Variants in PRELID2 observed in about 807,000 individuals in gnomAD.
PRELID2 encodes PRELI domain containing 2, also known as PRELI domain-containing protein 2.
In PRELID2, 25 loss-of-function variants were observed where a neutral mutation model predicts 28.4. That is an observed-to-expected ratio of 0.88 (90% CI 0.64 to 1.23). The LOEUF is 1.23. Among genes scored for constraint, PRELID2 ranks in the 50% most tolerant of loss-of-function variants. The probability of loss-of-function intolerance (pLI) is 0.00; values close to 1 mark genes in which losing one functional copy is unlikely to be tolerated. For missense variants in PRELID2, 201 were observed against 214.4 expected, an observed-to-expected ratio of 0.94 and a Z score of 0.39; for synonymous variants, 76 against 71.6, an observed-to-expected ratio of 1.06 and a Z score of -0.31.
chr5:145,334,709 A>G, the PRELID2 span, among the ~76,000 whole-genome samples: 1 of 151,524 alleles, frequency 6.6e-6, no homozygotes, highest in African/African-American at 2.4e-5. Flanking sequence ...TTTAGAGACA[A>G]TCTTTATCTT....
At chr5:145,775,871 C>G (rs751380107) in intron 5 of PRELID2, among the ~76,000 whole-genome samples, 1 of 151,956 alleles carries the variant, frequency 6.6e-6, no homozygotes, top group African/African-American at 2.4e-5. Flanking sequence ...TAGGAAGTGA[C>G]GTTTGTGTTT....
intron 1 of PRELID2, among the ~76,000 whole-genome samples, chr5:145,488,482 T>C (rs1752241738): frequency 6.6e-6 from 1 of 152,152 alleles, no homozygotes; most frequent in African/African-American, 2.4e-5. Flanking sequence ...TGGGTTTCTG[T>C]CACTTATAAA....
chr5:145,341,432 C>G, the PRELID2 span, among the ~76,000 whole-genome samples: 3 of 151,884 alleles, frequency 2.0e-5, no homozygotes, highest in Admixed American at 2.0e-4. Flanking sequence ...ATCAGCTACT[C>G]AGGAGGCTGA....
the PRELID2 span, among the ~76,000 whole-genome samples, chr5:145,312,658 G>C: frequency 6.6e-6 from 1 of 151,958 alleles, no homozygotes; most frequent in African/African-American, 2.4e-5. Flanking sequence ...TGCCCTCCAG[G>C]CTCATCTATG....
chr5:145,787,683 G>A (rs181178411), intron 5 of PRELID2, among the ~76,000 whole-genome samples: 4 of 152,064 alleles, frequency 2.6e-5, no homozygotes, highest in African/African-American at 9.6e-5. Context: ...GGGATTATAG[G>A]CATGCAACAA....
At chr5:145,362,815 G>A in the PRELID2 span, among the ~76,000 whole-genome samples, 2 of 152,076 alleles carry the variant, frequency 1.3e-5, no homozygotes, top group Non-Finnish European at 2.9e-5. Flanking sequence ...TGTTTTGGCT[G>A]CCATGAAAGG....
At chr5:145,806,363 A>G (rs1753508672) in intron 4 of PRELID2, among the ~76,000 whole-genome samples, 1 of 152,156 alleles carries the variant, frequency 6.6e-6, no homozygotes, top group African/African-American at 2.4e-5. Flanking sequence ...ACATTAGCCT[A>G]GGACTACACA....
chr5:145,474,884 G>A (rs1430116530), intron 1 of PRELID2, among the ~76,000 whole-genome samples: 4 of 152,078 alleles, frequency 2.6e-5, no homozygotes, highest in Admixed American at 6.6e-5. Context: ...ATTCCTCATG[G>A]GGTACACTGG....
At chr5:145,681,740 C>T (rs543964879) in intron 1 of PRELID2, among the ~76,000 whole-genome samples, 2 of 152,280 alleles carry the variant, frequency 1.3e-5, no homozygotes, top group South Asian at 4.1e-4. Context: ...TATCTGGCTT[C>T]TGTTTCAACC....
intron 1 of PRELID2, among the ~76,000 whole-genome samples, chr5:145,713,084 A>G (rs554309576): frequency 2.8e-4 from 43 of 152,018 alleles, no homozygotes; most frequent in African/African-American, 1.0e-3. Flanking sequence ...TAACAAACAT[A>G]TAACTGGAGT....
chr5:145,604,272 T>C (rs1753463618), intron 1 of PRELID2, among the ~76,000 whole-genome samples: 1 of 152,048 alleles, frequency 6.6e-6, no homozygotes, highest in Admixed American at 6.6e-5. Flanking sequence ...TAGGCCCTAG[T>C]GTCTGTTGTT....
intron 1 of PRELID2, among the ~76,000 whole-genome samples, chr5:145,685,801 T>A (rs1013136876): frequency 6.6e-6 from 1 of 152,182 alleles, no homozygotes; most frequent in Non-Finnish European, 1.5e-5. Context: ...AGCCTTCCTC[T>A]GCAGAGGGTC....
chr5:145,322,304 T>C, the PRELID2 span, among the ~76,000 whole-genome samples: 7 of 152,224 alleles, frequency 4.6e-5, no homozygotes, highest in Non-Finnish European at 8.8e-5. Context: ...TCCATACATA[T>C]AAGGACCTCT....
intron 1 of PRELID2, among the ~76,000 whole-genome samples, chr5:145,663,547 G>T (rs1391769094): frequency 6.6e-6 from 1 of 152,132 alleles, no homozygotes; most frequent in Non-Finnish European, 1.5e-5. Flanking sequence ...ATTTAAAAGA[G>T]AAATAGTGAA....
chr5:145,390,964 C>G, the PRELID2 span, among the ~76,000 whole-genome samples: 6 of 152,324 alleles, frequency 3.9e-5, no homozygotes, highest in Middle Eastern at 6.8e-3. Context: ...AAAATAATCT[C>G]CATTGACTCC....
At chr5:145,373,759 T>A in the PRELID2 span, among the ~76,000 whole-genome samples, 156 of 73,952 alleles carry the variant, frequency 2.1e-3, 5 homozygotes, top group Middle Eastern at 0.011. Flanking sequence ...TATATGATAT[T>A]ATATATTACA....
At chr5:145,278,027 C>A in the PRELID2 span, among the ~76,000 whole-genome samples, 1 of 152,296 alleles carries the variant, frequency 6.6e-6, no homozygotes, top group African/African-American at 2.4e-5. Context: ...CAGCTGCCTT[C>A]TTTGAGACGC....
chr5:145,655,446 A>G (rs1354013390), intron 1 of PRELID2, among the ~76,000 whole-genome samples: 2 of 152,244 alleles, frequency 1.3e-5, no homozygotes, highest in African/African-American at 4.8e-5. Flanking sequence ...TGCCAAAACA[A>G]TTCTAAGCCA....
intron 1 of PRELID2, among the ~76,000 whole-genome samples, chr5:145,522,690 C>A (rs1433959425): frequency 6.6e-5 from 10 of 151,970 alleles, no homozygotes; most frequent in Admixed American, 6.6e-4. Flanking sequence ...TATTTCAAAC[C>A]ACACGACATT....
Sources: allele counts gnomAD v4.1 joint callset (sites outside exome capture counted in the v4.1 genomes callset), GRCh38; gene constraint gnomAD v4.1.1; transcripts MANE v1.5; gene names NCBI Gene and HGNC (gene_info 2026-07-23, HGNC 2026-07-21).